Variants in MAP7D2 observed in about 807,000 individuals in gnomAD.
MAP7D2 encodes the protein MAP7 domain-containing protein 2.
Under a neutral mutation model 63.5 loss-of-function variants are expected in MAP7D2, and 33 were observed. The observed-to-expected ratio is 0.52, with a 90% CI of 0.39 to 0.70. MAP7D2 has a LOEUF of 0.70. MAP7D2 is among the 30% of genes least tolerant of loss of function. MAP7D2 has a pLI of 0.00. For synonymous variants in MAP7D2, 224 were observed against 223.7 expected, an observed-to-expected ratio of 1.00 and a Z score of -0.01; for missense variants, 626 against 604.0, an observed-to-expected ratio of 1.04 and a Z score of -0.38.
At chrX:20,070,248 C>T (rs1033375701) in intron 1 of MAP7D2, among the ~76,000 whole-genome samples, 1 of 107,785 alleles carries the variant, frequency 9.3e-6, no homozygotes, top group East Asian at 2.9e-4. Context: ...CGCCTGGCCT[C>T]GGCAATTTTT....
chrX:20,033,230 C>T (rs149991954), intron 8 of MAP7D2, among the ~76,000 whole-genome samples: 1 of 112,491 alleles, frequency 8.9e-6, no homozygotes, highest in Non-Finnish European at 1.9e-5. Flanking sequence ...GTTTAAGCAA[C>T]TCAATTTTGG....
chrX:20,056,630 C>G, intron 4 of MAP7D2, 50 bp downstream of exon 4: 1 of 1,052,288 alleles, frequency 9.5e-7, no homozygotes, highest in Admixed American at 2.2e-5. Flanking sequence ...CCTGCCTGCT[C>G]CATTATTTCC....
rs767917238 is a variant in MAP7D2, at chrX:20,008,018, T to C, written c.*407A>G. The stretch of plus-strand genomic sequence containing the variant: ...TATGTTGAACTAGAGTTTGGGTAAA[T>C]GTCTAGAATATTTTACAGGAAAAGA... On this transcript the variant is annotated 3_prime_UTR_variant, in exon 17 of 17. Coordinates refer to ENST00000379643, the MANE Select transcript of MAP7D2 (RefSeq NM_001168465.2). 1.2e-4 allele frequency: 13 copies of C among 111,937 alleles called. No individual in the cohort carries two copies. The highest frequency in any genetic ancestry group is 3.7e-4 in the South Asian group (1 of 2,701). 9.2% of individuals were successfully genotyped at this position (111,937 alleles called of 1,213,427 possible). A position where few individuals can be genotyped will look rare whatever the true frequency, so the allele number is the denominator to read the frequency against.
intron 10 of MAP7D2, among the ~76,000 whole-genome samples, chrX:20,022,347 G>A (rs1465346646): frequency 1.8e-5 from 2 of 111,568 alleles, no homozygotes; most frequent in African/African-American, 6.5e-5. Flanking sequence ...CTGTTGACAG[G>A]TTCGGGTGGA....
chrX:20,011,019 C>G lies in MAP7D2; in HGVS notation c.2106G>C (p.Pro702=), dbSNP rs1194709199. The G allele has an allele frequency of 3.3e-6, 4 of 1,209,662 alleles. No individual in the cohort carries two copies. In the Admixed American group the frequency reaches 8.7e-5, roughly 26 times the overall value. ...PVSKEELISI[P]EFSPVSEMIP... ...TCATTTCACTCACTGGTGAAAATTC[C>G]GGGATAGAGATAAGCTCTTCTTTTG... The change falls in exon 16 of 17, where the codon CCG becomes CCC. Residue 702 remains proline, a synonymous_variant. Transcript: ENST00000379643.
rs1207978484 is a variant in MAP7D2, at chrX:20,095,071, T to TA, written c.130+21678dup. On this transcript the variant is annotated intron_variant, in intron 1 of 16. Coordinates refer to ENST00000379643, the MANE Select transcript of MAP7D2 (RefSeq NM_001168465.2). Reference sequence around the variant, plus strand: ...CTGGGCAACAGAGTGAGACTCTGTCTAAAAAAAAAAAAAATCAGTGACTAG... The same window carrying TA: ...CTGGGCAACAGAGTGAGACTCTGTCTAAAAAAAAAAAAAAATCAGTGACTAG... Among the ~76,000 whole-genome samples the TA allele has an allele frequency of 4.3e-3, 422 of 97,491 alleles. 1 individual carries two copies. The highest frequency in any genetic ancestry group is 0.014 in the African/African-American group (364 of 26,876). The allele number at this position is 97,491 out of a possible 115,157, so 84.7% of individuals were successfully genotyped here. A position where few individuals can be genotyped will look rare whatever the true frequency, so the allele number is the denominator to read the frequency against.
chrX:20,067,798 G>A lies in MAP7D2; in HGVS notation c.131-2993C>T, dbSNP rs561681466. ...GCATGCAGGGAACAAATCTTAACCTGGCCCCAAGAATGAGCTTGCAAATCT... is the reference window on the plus strand; with the variant it reads ...GCATGCAGGGAACAAATCTTAACCTAGCCCCAAGAATGAGCTTGCAAATCT... On this transcript the variant is annotated intron_variant, in intron 1 of 16. Transcript: ENST00000379643. Among the ~76,000 whole-genome samples the A allele has an allele frequency of 2.7e-5, 3 of 112,050 alleles. No individual in the cohort carries two copies. The Admixed American group carries it at 2.8e-4, about 11-fold the overall frequency.
Position 20,025,072 on chromosome X carries a change from G to T in MAP7D2, c.1291C>A (p.Pro431Thr). 2 of 1,207,600 alleles carry T rather than the reference G, an allele frequency of 1.7e-6. No homozygotes were observed. The highest frequency in any genetic ancestry group is 2.2e-6 in the Non-Finnish European group (2 of 894,395). Residue 431 changes from proline to threonine, a missense_variant, in exon 10 of 17, where the codon CCC becomes ACC. By Grantham distance (38) the Pro-to-Thr change is conservative (BLOSUM62 -1). Coordinates refer to ENST00000379643, the MANE Select transcript of MAP7D2 (RefSeq NM_001168465.2). ...CCTGCATCAGTGGTGCCTGCTGTGG[G>T]CTTCCCCAAGGCTGCACCAGAGGAG... is the stretch of plus-strand genomic sequence containing the variant. Reference protein sequence around the residue: ...KAENSAALGKPTAGTTDAGEA... With the variant: ...KAENSAALGKTTAGTTDAGEA...
chrX:20,073,201 A>C (rs1288804247), intron 1 of MAP7D2, among the ~76,000 whole-genome samples: 1 of 111,721 alleles, frequency 9.0e-6, no homozygotes, highest in East Asian at 2.8e-4. Flanking sequence ...TCTAGATGAT[A>C]TATCTGGTTC....
intron 6 of MAP7D2, chrX:20,049,795 C>T (rs1306556886): frequency 3.2e-6 from 1 of 314,106 alleles, no homozygotes; most frequent in African/African-American, 2.7e-5. Context: ...TTTACATTCC[C>T]ACCAGCAGTG....
rs1335817629 is a variant in MAP7D2 at position 20,073,532 on chromosome X, C to CT, written c.131-8728dup. On this transcript the variant is annotated intron_variant, in intron 1 of 16. Coordinates refer to ENST00000379643, the MANE Select transcript of MAP7D2 (RefSeq NM_001168465.2). ...ATTTTTAGAGGGGTTCTTTTCTTTT[C>CT]TTTTTTTTTTTTTTTGAGATGGAGT... Among the ~76,000 whole-genome samples the CT allele has an allele frequency of 7.3e-3, 689 of 94,916 alleles. 7 individuals carry two copies. Among genetic ancestry groups the CT allele is most frequent in the African/African-American group, 0.022 (590 of 26,414 alleles). The allele number at this position is 94,916 out of a possible 115,157, so 82.4% of individuals were successfully genotyped here.
chrX:20,021,645 C>T (rs956318032), intron 10 of MAP7D2: 6 of 111,949 alleles, frequency 5.4e-5, no homozygotes, highest in South Asian at 3.7e-4. Context: ...ATCATCTGGA[C>T]GTACTGTAGA....
In MAP7D2 at chrX:20,010,709, T is replaced by C. The variant is rs1446110167; in HGVS notation, c.*26+68A>G. On this transcript the variant is annotated intron_variant, in intron 16 of 16. Coordinates refer to ENST00000379643, the MANE Select transcript of MAP7D2 (RefSeq NM_001168465.2). ...TTTGACCATCCAAGAGGCTGAGTGATATACATCCTATCTTCACAAACCCCA... is the reference window on the plus strand; with the variant it reads ...TTTGACCATCCAAGAGGCTGAGTGACATACATCCTATCTTCACAAACCCCA... The C allele has an allele frequency of 4.1e-6, 4 of 965,103 alleles. No individual in the cohort carries two copies. The East Asian group carries it at 9.3e-5, about 22-fold the overall frequency. 79.5% of individuals were successfully genotyped at this position (965,103 alleles called of 1,213,427 possible). A position where few individuals can be genotyped will look rare whatever the true frequency, so the allele number is the denominator to read the frequency against.
At chrX:20,010,263 A>G (rs2073148182) in intron 16 of MAP7D2, among the ~76,000 whole-genome samples, 1 of 112,038 alleles carries the variant, frequency 8.9e-6, no homozygotes, top group Non-Finnish European at 1.9e-5. Flanking sequence ...CCTTCAAGAC[A>G]CAAAAACTGC....
At chrX:20,059,937 C>T (rs1360810169) in intron 3 of MAP7D2, among the ~76,000 whole-genome samples, 2 of 111,155 alleles carry the variant, frequency 1.8e-5, no homozygotes, top group Admixed American at 9.5e-5. Flanking sequence ...AGGGCACATT[C>T]CAGACACTGT....
chrX:20,081,565 C>G (rs1188356888), intron 1 of MAP7D2, among the ~76,000 whole-genome samples: 9 of 111,845 alleles, frequency 8.0e-5, no homozygotes. Flanking sequence ...ACAGGGTTAA[C>G]AGGACCCTTC....
chrX:20,089,557 G>A (rs980492925), intron 1 of MAP7D2, among the ~76,000 whole-genome samples: 2 of 112,182 alleles, frequency 1.8e-5, no homozygotes, highest in African/African-American at 6.5e-5. Flanking sequence ...AGCATGAGCT[G>A]AAACTTGTTC....
chrX:20,031,273 G>A (rs1031942276), intron 8 of MAP7D2, among the ~76,000 whole-genome samples: 9 of 106,069 alleles, frequency 8.5e-5, no homozygotes, highest in African/African-American at 1.4e-4. Flanking sequence ...CTCAGTGACA[G>A]AGGGAGTCAC....
intron 8 of MAP7D2, among the ~76,000 whole-genome samples, chrX:20,033,899 G>A (rs2074125432): frequency 8.9e-6 from 1 of 111,857 alleles, no homozygotes; most frequent in African/African-American, 3.2e-5. Context: ...GAGTATGCAA[G>A]AGAATATTTA....
Sources: gnomAD v4.1 joint callset for allele counts (sites outside exome capture counted in the v4.1 genomes callset) on GRCh38, gnomAD v4.1.1 for gene constraint, MANE v1.5 for transcripts, NCBI Gene and HGNC (gene_info 2026-07-23, HGNC 2026-07-21) for gene names.